Variants in TCF7L2 observed in about 807,000 individuals in gnomAD.
The protein encoded by TCF7L2 is transcription factor 7 like 2.
TCF7L2 carries 23 observed loss-of-function variants against 77.9 expected under a neutral mutation model. The ratio of observed to expected loss-of-function variants is 0.30; its 90% CI spans 0.21 to 0.42. TCF7L2 has a LOEUF of 0.42. Among genes scored for constraint, TCF7L2 ranks in the 10% least tolerant of loss-of-function variants. TCF7L2 has a pLI of 1.00. For synonymous variants in TCF7L2, 413 were observed against 340.2 expected, an observed-to-expected ratio of 1.21 and a Z score of -2.36; for missense variants, 654 against 793.1, an observed-to-expected ratio of 0.82 and a Z score of 2.11.
intron 5 of TCF7L2, among the ~76,000 whole-genome samples, chr10:113,101,726 C>G (rs1280084745): frequency 6.6e-6 from 1 of 150,430 alleles, no homozygotes; most frequent in East Asian, 2.0e-4. Context: ...GCCTGTAGTC[C>G]CAGCTACTTG....
chr10:113,161,747 C>A, intron 13 of TCF7L2: 1 of 851,918 alleles, frequency 1.2e-6, no homozygotes, highest in Non-Finnish European at 1.9e-6. Flanking sequence ...GCCCACGAGT[C>A]TCCTGTGTCT....
intron 4 of TCF7L2, among the ~76,000 whole-genome samples, chr10:112,976,726 AT>A (rs1269013987): frequency 6.6e-6 from 1 of 152,180 alleles, no homozygotes; most frequent in Admixed American, 6.5e-5. Context: ...ACCAAAAATA[AT>A]TTGTTTTTGT....
chr10:113,078,955 C>T (rs2059023880), intron 5 of TCF7L2, among the ~76,000 whole-genome samples: 1 of 152,070 alleles, frequency 6.6e-6, no homozygotes, highest in Non-Finnish European at 1.5e-5. Flanking sequence ...GCCTCAGCCT[C>T]CCGAGTAGCT....
chr10:113,165,451 G>A (rs575343446), intron 13 of TCF7L2, 104 bp from the exon 15 acceptor site: 19 of 1,303,090 alleles, frequency 1.5e-5, no homozygotes, highest in Non-Finnish European at 2.0e-5. Context: ...CCACCTCTGT[G>A]GGACATCCCT....
intron 4 of TCF7L2, among the ~76,000 whole-genome samples, chr10:112,988,042 A>G (rs1274136552): frequency 6.8e-6 from 1 of 147,936 alleles, no homozygotes; most frequent in Non-Finnish European, 1.5e-5. Context: ...TTAGGAATGT[A>G]CAGTTTACTG....
intron 5 of TCF7L2, among the ~76,000 whole-genome samples, chr10:113,103,693 C>T (rs932687533): frequency 1.3e-5 from 2 of 152,074 alleles, no homozygotes; most frequent in South Asian, 2.1e-4. Flanking sequence ...CACATTTTTT[C>T]GTACTTATTA....
In TCF7L2 at chr10:113,165,734, AC is replaced by A. The variant is rs1193915978; in HGVS notation, c.1576del (p.Leu526TrpfsTer6). 1 of 1,600,378 alleles carries A rather than the reference AC, an allele frequency of 6.2e-7. No homozygotes were observed. The highest frequency in any genetic ancestry group is 1.7e-5 in the Admixed American group (1 of 58,232). ...CCTCTGTCGCTGTCCCTGAAGCCCG[AC>A]CCCCTGGCCCACCTGTCCATGATGC... On this transcript the variant is annotated frameshift_variant, in exon 14 of 14. Coordinates refer to ENST00000627217, the MANE Select transcript of TCF7L2 (RefSeq NM_001146274.2). LOFTEE classifies it high-confidence loss of function.
chr10:113,121,401 A>G (rs556754563), intron 5 of TCF7L2, among the ~76,000 whole-genome samples: 48 of 152,298 alleles, frequency 3.2e-4, no homozygotes, highest in Non-Finnish European at 4.7e-4. Context: ...GATTTGCCGC[A>G]AGGCCTGGCT....
intron 5 of TCF7L2, among the ~76,000 whole-genome samples, chr10:113,136,941 CT>C (rs1201727887): frequency 6.6e-6 from 1 of 151,960 alleles, no homozygotes; most frequent in Non-Finnish European, 1.5e-5. Flanking sequence ...TGTTTGGATT[CT>C]TTTGTGTTTC....
intron 4 of TCF7L2, among the ~76,000 whole-genome samples, chr10:113,032,795 AT>A (rs1366042589): frequency 6.6e-6 from 1 of 152,182 alleles, no homozygotes; most frequent in African/African-American, 2.4e-5. Flanking sequence ...CTTTCTGCCC[AT>A]TTATTTTGTA....
At chr10:112,962,132 G>C (rs945739859) in intron 3 of TCF7L2, among the ~76,000 whole-genome samples, 8 of 152,160 alleles carry the variant, frequency 5.3e-5, no homozygotes, top group Non-Finnish European at 1.0e-4. Context: ...TTATTCATAA[G>C]ATTGTGACTA....
intron 13 of TCF7L2, among the ~76,000 whole-genome samples, chr10:113,162,859 T>C: frequency 6.6e-6 from 1 of 152,098 alleles, no homozygotes; most frequent in East Asian, 1.9e-4. Flanking sequence ...GAAAGGGGTT[T>C]CTAAGAGGCC....
intron 4 of TCF7L2, among the ~76,000 whole-genome samples, chr10:113,003,055 C>T (rs2044777789): frequency 6.6e-6 from 1 of 152,194 alleles, no homozygotes; most frequent in African/African-American, 2.4e-5. Flanking sequence ...CTCAAACTAT[C>T]AGAGACTTAT....
chr10:113,060,983 G>A (rs1364269545), intron 5 of TCF7L2, among the ~76,000 whole-genome samples: 1 of 152,146 alleles, frequency 6.6e-6, no homozygotes, highest in Non-Finnish European at 1.5e-5. Context: ...GGACTTCAGG[G>A]CTGGTGGATA....
At chr10:112,985,476 G>A (rs901783414) in intron 4 of TCF7L2, among the ~76,000 whole-genome samples, 2 of 150,462 alleles carry the variant, frequency 1.3e-5, no homozygotes, top group African/African-American at 5.0e-5. Flanking sequence ...CTTTTTTCTT[G>A]TATTACTACA....
At chr10:112,988,616 C>G (rs956756037) in intron 4 of TCF7L2, among the ~76,000 whole-genome samples, 1 of 152,122 alleles carries the variant, frequency 6.6e-6, no homozygotes, top group African/African-American at 2.4e-5. Flanking sequence ...AGTATTATCA[C>G]TAATGCAAAT....
chr10:113,095,992 T>A (rs560038555), intron 5 of TCF7L2, among the ~76,000 whole-genome samples: 7 of 152,340 alleles, frequency 4.6e-5, no homozygotes, highest in African/African-American at 1.7e-4. Flanking sequence ...GTGTGTGACA[T>A]GTCATCCCCA....
intron 4 of TCF7L2, among the ~76,000 whole-genome samples, chr10:113,015,374 G>A (rs552608068): frequency 6.6e-6 from 1 of 151,622 alleles, no homozygotes; most frequent in Non-Finnish European, 1.5e-5. Flanking sequence ...GAATGGAGGC[G>A]CATGAGGCCC....
intron 4 of TCF7L2, among the ~76,000 whole-genome samples, chr10:112,973,815 C>T (rs2038817142): frequency 6.6e-6 from 1 of 151,998 alleles, no homozygotes; most frequent in Admixed American, 6.6e-5. Flanking sequence ...GGTCTTGAAC[C>T]CTCACCTCAA....
Sources: gnomAD v4.1 joint callset for allele counts (sites outside exome capture counted in the v4.1 genomes callset) on GRCh38, gnomAD v4.1.1 for gene constraint, MANE v1.5 for transcripts, NCBI Gene and HGNC (gene_info 2026-07-23, HGNC 2026-07-21) for gene names.